Variants in PTPRE observed in about 807,000 individuals in gnomAD.
The protein encoded by PTPRE is receptor-type tyrosine-protein phosphatase epsilon.
PTPRE carries 51 observed loss-of-function variants against 102.0 expected under a neutral mutation model. That is an observed-to-expected ratio of 0.50 (90% confidence interval 0.40 to 0.63). The LOEUF (loss-of-function observed/expected upper bound fraction) is 0.63. Among genes scored for constraint, PTPRE ranks in the 30% least tolerant of loss-of-function variants. PTPRE has a pLI of 0.00. For missense variants in PTPRE, 752 were observed against 915.1 expected (o/e 0.82, Z 2.30); for synonymous variants, 345 against 348.2 (o/e 0.99, Z 0.10).
chr10:127,999,911 A>C, intron 2 of PTPRE: 5 of 985,434 alleles, frequency 5.1e-6, no homozygotes, highest in Non-Finnish European at 6.0e-6. Flanking sequence ...TGCTGTGGAC[A>C]TGGGTCTGAA....
At chr10:128,042,932 A>G (rs1449519036) in intron 3 of PTPRE, among the ~76,000 whole-genome samples, 2 of 152,256 alleles carry the variant, frequency 1.3e-5, no homozygotes, top group Non-Finnish European at 2.9e-5. Context: ...TAATCATGAA[A>G]AGATGCTCAA....
intron 1 of PTPRE, among the ~76,000 whole-genome samples, chr10:127,938,416 C>G (rs1847984258): frequency 6.6e-6 from 1 of 151,906 alleles, no homozygotes; most frequent in Non-Finnish European, 1.5e-5. Context: ...TCACCCTGTC[C>G]CAGCACCTTG....
chr10:127,979,283 C>A (rs533050642), intron 1 of PTPRE, among the ~76,000 whole-genome samples: 87 of 152,340 alleles, frequency 5.7e-4, no homozygotes, highest in African/African-American at 2.1e-3. Flanking sequence ...CTCAAACCAA[C>A]CTCCCCAACC....
intron 10 of PTPRE, among the ~76,000 whole-genome samples, chr10:128,065,030 G>C (rs1026878623): frequency 6.6e-6 from 1 of 152,142 alleles, no homozygotes; most frequent in East Asian, 1.9e-4. Flanking sequence ...CTCCCCATAG[G>C]GCCAAGACTC....
At chr10:127,990,411 C>CAAAAAAA (rs60034358) in intron 2 of PTPRE, among the ~76,000 whole-genome samples, 2 of 65,726 alleles carry the variant, frequency 3.0e-5, no homozygotes, top group Non-Finnish European at 5.8e-5. Flanking sequence ...GACTCCACCT[C>CAAAAAAA]AAAAAAAAAA....
chr10:128,084,307 T>G lies in PTPRE; in HGVS notation c.*1401T>G, dbSNP rs963277317. On this transcript the variant is annotated 3_prime_UTR_variant, in exon 21 of 21. Transcript: ENST00000254667. ...TTAACACGTGCATTTTTGGTACTTT[T>G]TTTTTTGTTTTCTAAAAGCTACATA... is the stretch of plus-strand genomic sequence containing the variant. 1 of 147,984 alleles carries G rather than the reference T, an allele frequency of 6.8e-6. No individual in the cohort carries two copies. Among genetic ancestry groups the G allele is most frequent in the Non-Finnish European group, 1.5e-5 (1 of 66,696 alleles). 9.2% of individuals were successfully genotyped at this position (147,984 alleles called of 1,614,324 possible).
intron 2 of PTPRE, among the ~76,000 whole-genome samples, chr10:127,992,636 G>A (rs1175516431): frequency 6.6e-6 from 1 of 152,162 alleles, no homozygotes; most frequent in Admixed American, 6.5e-5. Context: ...CAGACCGCAG[G>A]CCTGGAGCCT....
intron 2 of PTPRE, among the ~76,000 whole-genome samples, chr10:127,992,090 A>T (rs766076169): frequency 6.6e-6 from 1 of 152,068 alleles, no homozygotes; most frequent in Non-Finnish European, 1.5e-5. Context: ...AGAACCCAAG[A>T]ACCTAGAGGA....
chr10:127,968,610 G>A (rs150812871), intron 1 of PTPRE, among the ~76,000 whole-genome samples: 11 of 152,330 alleles, frequency 7.2e-5, no homozygotes, highest in Non-Finnish European at 1.0e-4. Context: ...TGGAAGGAGC[G>A]TTGTATCAGG....
At chr10:128,025,767 AG>A (rs1210559799) in intron 2 of PTPRE, among the ~76,000 whole-genome samples, 2 of 152,144 alleles carry the variant, frequency 1.3e-5, no homozygotes, top group South Asian at 2.1e-4. Flanking sequence ...GACCTGCTCC[AG>A]GGGACCCAGG....
intron 1 of PTPRE, among the ~76,000 whole-genome samples, chr10:127,943,055 T>A (rs561878793): frequency 2.6e-5 from 4 of 152,190 alleles, no homozygotes; most frequent in African/African-American, 9.6e-5. Context: ...ACTGTTTTCA[T>A]GTGTTTTATT....
chr10:127,966,136 C>T (rs374672186), intron 1 of PTPRE, among the ~76,000 whole-genome samples: 2 of 152,218 alleles, frequency 1.3e-5, no homozygotes, highest in South Asian at 2.1e-4. Flanking sequence ...CATGTTTATC[C>T]TCATTTCATC....
chr10:128,003,850 T>C (rs1232026745), intron 2 of PTPRE, among the ~76,000 whole-genome samples: 5 of 152,176 alleles, frequency 3.3e-5, no homozygotes, highest in Admixed American at 3.3e-4. Flanking sequence ...AGTTTAGCAA[T>C]TGGAAGCCTT....
chr10:127,962,323 C>T (rs746499932), intron 1 of PTPRE, among the ~76,000 whole-genome samples: 19 of 152,206 alleles, frequency 1.2e-4, no homozygotes, highest in Non-Finnish European at 2.5e-4. Context: ...TGCCAGGCCA[C>T]GGGGCTCCTT....
Position 128,070,193 on chromosome 10 carries a change from G to A in PTPRE, c.1144-108G>A. 7.5e-7 allele frequency: 1 copy of A among 1,339,352 alleles called. No homozygotes were observed. The highest frequency in any genetic ancestry group is 1.0e-6 in the Non-Finnish European group (1 of 983,060). 83.0% of individuals were successfully genotyped at this position (1,339,352 alleles called of 1,614,324 possible). A position where few individuals can be genotyped will look rare whatever the true frequency, so the allele number is the denominator to read the frequency against. On this transcript the variant is annotated intron_variant, in intron 13 of 20. Transcript: ENST00000254667. The surrounding 1 kb of genome is among the most constrained non-coding windows in gnomAD (Gnocchi z 4.8). ...TCTTGCCTCACACCTCCTTGTGTTG[G>A]CAAAAAGAGAAAAAGAAGAAAGCCG...
At chr10:128,040,049 C>T (rs1427641093) in intron 2 of PTPRE, among the ~76,000 whole-genome samples, 2 of 152,148 alleles carry the variant, frequency 1.3e-5, no homozygotes, top group Non-Finnish European at 2.9e-5. Flanking sequence ...TGGGTCTGCC[C>T]CTGGGCATTC....
At chr10:127,928,759 A>G (rs764173701) in intron 1 of PTPRE, among the ~76,000 whole-genome samples, 1 of 152,258 alleles carries the variant, frequency 6.6e-6, no homozygotes, top group Non-Finnish European at 1.5e-5. Flanking sequence ...ACACTGGTAG[A>G]TGAGGCCTCA....
intron 1 of PTPRE, among the ~76,000 whole-genome samples, chr10:127,959,570 TGCAAA>T (rs761700699): frequency 1.3e-5 from 2 of 152,226 alleles, no homozygotes; most frequent in Non-Finnish European, 2.9e-5. Flanking sequence ...TTTCTGAATT[TGCAAA>T]GAAAGTGATT....
chr10:128,044,732 C>CATGAA (rs1847951811), intron 3 of PTPRE, among the ~76,000 whole-genome samples: 1 of 152,190 alleles, frequency 6.6e-6, no homozygotes, highest in Admixed American at 6.5e-5. Context: ...GCCACAATAA[C>CATGAA]ATGAAATGAA....
Sources: allele counts gnomAD v4.1 joint callset (sites outside exome capture counted in the v4.1 genomes callset), GRCh38; gene constraint gnomAD v4.1.1; non-coding constraint Gnocchi (gnomAD v3.1); transcripts MANE v1.5; gene names NCBI Gene and HGNC (gene_info 2026-07-23, HGNC 2026-07-21).